The following STIM1 variants were observed in gnomAD, a reference collection of about 807,000 sequenced individuals.
STIM1 encodes stromal interaction molecule 1.
In STIM1, 25 loss-of-function variants were observed where a neutral mutation model predicts 74.7. The observed-to-expected ratio is 0.33, with a 90% CI of 0.24 to 0.47. The LOEUF (loss-of-function observed/expected upper bound fraction) is 0.47, where lower values mean the gene tolerates loss of function less well. STIM1 is among the 20% of genes least tolerant of loss of function. The pLI is 1.00. For synonymous variants in STIM1, 328 were observed against 348.8 expected (o/e 0.94, Z 0.66); for missense variants, 728 against 920.8 (o/e 0.79, Z 2.71).
chr11:3,995,529 G>T (rs1033834637), intron 2 of STIM1, among the ~76,000 whole-genome samples: 2 of 152,138 alleles, frequency 1.3e-5, no homozygotes, highest in Admixed American at 1.3e-4. Flanking sequence ...TTGCCATCTG[G>T]TTGCTCTGCT....
rs555189919 is a variant in STIM1, at chr11:4,015,150, G to A, written c.271-8723G>A. ...ATGCAGTTTCTTCATAGCATCAATG[G>A]TCTTTACAATTTGGCATATTTTTGC... On this transcript the variant is annotated intron_variant, in intron 2 of 12. Transcript: ENST00000526596. Among the ~76,000 whole-genome samples the A allele has an allele frequency of 1.2e-4, 18 of 152,160 alleles. 1 individual carries two copies. In the South Asian group the frequency reaches 3.5e-3, roughly 30 times the overall value.
chr11:3,943,372 A>G (rs530645498), intron 1 of STIM1, among the ~76,000 whole-genome samples: 4 of 152,248 alleles, frequency 2.6e-5, no homozygotes, highest in Non-Finnish European at 5.9e-5. Context: ...TAACTGGAAT[A>G]GAGAAACTGG....
chr11:3,962,694 C>T (rs1341847821), intron 1 of STIM1, among the ~76,000 whole-genome samples: 1 of 152,100 alleles, frequency 6.6e-6, no homozygotes. Flanking sequence ...GGTGCATTCC[C>T]CTAACAGTGT....
At chr11:3,895,370 G>C (rs941091506) in intron 1 of STIM1, among the ~76,000 whole-genome samples, 13 of 152,140 alleles carry the variant, frequency 8.5e-5, no homozygotes, top group African/African-American at 2.7e-4. Context: ...TGAGCTTCAA[G>C]ACATTTCTAT....
chr11:4,010,962 TGTG>T (rs2093830409), intron 2 of STIM1, among the ~76,000 whole-genome samples: 3 of 152,122 alleles, frequency 2.0e-5, no homozygotes, highest in Admixed American at 1.3e-4. Context: ...AGTGAGAACA[TGTG>T]GTGTTTGGTT....
chr11:4,022,526 C>T (rs189597543), intron 2 of STIM1, among the ~76,000 whole-genome samples: 9 of 152,024 alleles, frequency 5.9e-5, no homozygotes, highest in East Asian at 3.9e-4. Context: ...TAGCGGTGAA[C>T]GAAGGCATCC....
intron 1 of STIM1, among the ~76,000 whole-genome samples, chr11:3,947,089 TC>T (rs1380701890): frequency 6.7e-6 from 1 of 149,324 alleles, no homozygotes; most frequent in Non-Finnish European, 1.5e-5. Context: ...TATTTTCTCC[TC>T]ATTCTTAGTG....
At chr11:3,981,207 C>T (rs919571584) in intron 2 of STIM1, among the ~76,000 whole-genome samples, 5 of 152,118 alleles carry the variant, frequency 3.3e-5, no homozygotes, top group Admixed American at 6.5e-5. Context: ...GGATTATAGG[C>T]GTGAGCCACC....
chr11:4,075,855 T>G (rs2133192538), intron 7 of STIM1, among the ~76,000 whole-genome samples: 1 of 152,348 alleles, frequency 6.6e-6, no homozygotes, highest in Admixed American at 6.5e-5. Flanking sequence ...ATGACCTCAG[T>G]ATTTTTAGGC....
At chr11:3,891,838 CAG>C (rs1354809274) in intron 1 of STIM1, among the ~76,000 whole-genome samples, 2 of 152,070 alleles carry the variant, frequency 1.3e-5, no homozygotes, top group East Asian at 3.9e-4. Context: ...TGTGGAGGGC[CAG>C]AGAGTGAATA....
intron 1 of STIM1, among the ~76,000 whole-genome samples, chr11:3,942,273 C>T (rs1311907900): frequency 6.6e-6 from 1 of 152,132 alleles, no homozygotes; most frequent in East Asian, 1.9e-4. Context: ...GCACTAATGG[C>T]CATATAATAC....
chr11:4,009,149 G>T (rs1052840647), intron 2 of STIM1, among the ~76,000 whole-genome samples: 4 of 151,566 alleles, frequency 2.6e-5, no homozygotes, highest in African/African-American at 9.7e-5. Context: ...AAAAAAATTA[G>T]CCGGGTGTGG....
intron 3 of STIM1, among the ~76,000 whole-genome samples, chr11:4,042,661 T>C (rs1204919261): frequency 6.6e-6 from 1 of 152,224 alleles, no homozygotes; most frequent in Non-Finnish European, 1.5e-5. Flanking sequence ...TATATATAAC[T>C]CTTGGACTCC....
intron 3 of STIM1, among the ~76,000 whole-genome samples, chr11:4,040,523 A>G (rs2094139987): frequency 6.6e-6 from 1 of 152,168 alleles, no homozygotes; most frequent in African/African-American, 2.4e-5. Context: ...CACAGCCCCT[A>G]TCTCTTCACA....
intron 5 of STIM1, among the ~76,000 whole-genome samples, chr11:4,067,987 G>A (rs982667649): frequency 1.5e-4 from 23 of 152,220 alleles, no homozygotes; most frequent in African/African-American, 5.5e-4. Context: ...GGTAGCTCAT[G>A]GATGTGGCAG....
chr11:3,937,936 CTTT>C (rs879661667), intron 1 of STIM1, among the ~76,000 whole-genome samples: 4 of 138,770 alleles, frequency 2.9e-5, no homozygotes, highest in Admixed American at 7.3e-5. Context: ...TAGAGAAATT[CTTT>C]TTTTTTTTTT....
intron 1 of STIM1, chr11:3,922,051 A>G (rs1441319950): frequency 3.9e-5 from 6 of 152,218 alleles, no homozygotes; most frequent in African/African-American, 1.4e-4. Flanking sequence ...CAGAAACTGT[A>G]TGAAATAATG....
intron 2 of STIM1, among the ~76,000 whole-genome samples, chr11:3,987,659 T>C (rs2093569543): frequency 6.6e-6 from 1 of 152,190 alleles, no homozygotes; most frequent in African/African-American, 2.4e-5. Flanking sequence ...ACCTGTCACA[T>C]AGTAACTACT....
intron 5 of STIM1, among the ~76,000 whole-genome samples, chr11:4,066,887 A>G (rs2094369960): frequency 6.6e-6 from 1 of 152,184 alleles, no homozygotes; most frequent in Non-Finnish European, 1.5e-5. Context: ...TTAGTAAGGC[A>G]TAGATTAGAC....
Sources: allele counts gnomAD v4.1 joint callset (sites outside exome capture counted in the v4.1 genomes callset), GRCh38; gene constraint gnomAD v4.1.1; transcripts MANE v1.5; gene names NCBI Gene and HGNC (gene_info 2026-07-23, HGNC 2026-07-21).